Variants in STK32B observed in about 807,000 individuals in gnomAD.
STK32B encodes serine/threonine-protein kinase 32B.
In STK32B, 43 loss-of-function variants were observed where a neutral mutation model predicts 52.6. The observed-to-expected ratio is 0.82, with a 90% CI of 0.64 to 1.05. The LOEUF (loss-of-function observed/expected upper bound fraction) is 1.05. Ranked by LOEUF, STK32B falls within the 50% of genes least tolerant of loss-of-function variation. The pLI, the probability that STK32B is intolerant of heterozygous loss-of-function variation, is 0.00. For missense variants in STK32B, 621 were observed against 534.6 expected, an observed-to-expected ratio of 1.16 and a Z score of -1.59; for synonymous variants, 238 against 204.3, an observed-to-expected ratio of 1.17 and a Z score of -1.41.
At chr4:5,208,296 C>T (rs529971247) in intron 3 of STK32B, among the ~76,000 whole-genome samples, 1 of 152,232 alleles carries the variant, frequency 6.6e-6, no homozygotes, top group Admixed American at 6.5e-5. Context: ...AAATTTCTAC[C>T]CCTTGCCTAG....
Position 5,331,200 on chromosome 4 carries a change from C to G in STK32B, c.261-20C>G. 1 of 1,597,744 alleles carries G rather than the reference C, an allele frequency of 6.3e-7. No homozygotes were observed. Among genetic ancestry groups the G allele is most frequent in the Non-Finnish European group, 8.5e-7 (1 of 1,171,298 alleles). On this transcript the variant is annotated intron_variant, in intron 3 of 11. Coordinates refer to ENST00000282908, the MANE Select transcript of STK32B (RefSeq NM_018401.3). ...AAGGTGCCTCCACCCCTAATCTTCT[C>G]TGTCCTTCTGTGCTCCTAGGTACTC...
intron 1 of STK32B, among the ~76,000 whole-genome samples, chr4:5,096,407 G>A (rs538879025): frequency 2.0e-5 from 3 of 152,278 alleles, no homozygotes; most frequent in African/African-American, 4.8e-5. Flanking sequence ...CATCCCCACC[G>A]TTGGGAGTGG....
At chr4:5,281,614 GAAATATAATAAGC>G (rs1728204263) in intron 3 of STK32B, among the ~76,000 whole-genome samples, 1 of 152,008 alleles carries the variant, frequency 6.6e-6, no homozygotes, top group Non-Finnish European at 1.5e-5. Flanking sequence ...TAAAAAAGAA[GAAATATAATAAGC>G]AAATAAAAAA....
intron 3 of STK32B, among the ~76,000 whole-genome samples, chr4:5,261,283 G>C (rs996173223): frequency 1.3e-5 from 2 of 152,274 alleles, no homozygotes; most frequent in African/African-American, 4.8e-5. Context: ...AAAATTCTAT[G>C]AACATGGAAA....
At chr4:5,171,180 T>A (rs867849450) in intron 3 of STK32B, among the ~76,000 whole-genome samples, 1 of 151,444 alleles carries the variant, frequency 6.6e-6, no homozygotes. Flanking sequence ...TAAATTTGTT[T>A]GAGTTCATTG....
intron 3 of STK32B, among the ~76,000 whole-genome samples, chr4:5,312,017 T>C (rs1267412651): frequency 1.3e-5 from 2 of 151,514 alleles, no homozygotes; most frequent in African/African-American, 4.8e-5. Flanking sequence ...AATGCCTCCA[T>C]CCTTCTTCAT....
At chr4:5,355,093 T>A (rs1418170909) in intron 4 of STK32B, among the ~76,000 whole-genome samples, 2 of 152,206 alleles carry the variant, frequency 1.3e-5, no homozygotes, top group East Asian at 1.9e-4. Context: ...AGATACATTT[T>A]GTTGTTTCTA....
At chr4:5,263,674 A>G (rs1173560780) in intron 3 of STK32B, among the ~76,000 whole-genome samples, 1 of 152,208 alleles carries the variant, frequency 6.6e-6, no homozygotes, top group African/African-American at 2.4e-5. Context: ...ATACGCAGAC[A>G]TCTTAGTGTC....
At chr4:5,187,431 G>A (rs977873446) in intron 3 of STK32B, among the ~76,000 whole-genome samples, 11 of 152,132 alleles carry the variant, frequency 7.2e-5, no homozygotes, top group East Asian at 3.8e-4. Flanking sequence ...CAGAACCATC[G>A]TGCAAGGTGG....
At chr4:5,419,546 G>T (rs531665089) in intron 6 of STK32B, among the ~76,000 whole-genome samples, 1 of 152,130 alleles carries the variant, frequency 6.6e-6, no homozygotes, top group East Asian at 1.9e-4. Context: ...TCTCAAAGTC[G>T]TTGTCTGTGT....
chr4:5,205,151 C>T (rs1722467863), intron 3 of STK32B, among the ~76,000 whole-genome samples: 1 of 152,156 alleles, frequency 6.6e-6, no homozygotes, highest in Admixed American at 6.6e-5. Context: ...AGCTCCAGGT[C>T]CTCAGACCTT....
At chr4:5,497,445 C>T (rs1055114336) in intron 11 of STK32B, among the ~76,000 whole-genome samples, 3 of 152,362 alleles carry the variant, frequency 2.0e-5, no homozygotes, top group African/African-American at 7.2e-5. Context: ...CCTCCCAGCT[C>T]TGTCCTCTGG....
intron 7 of STK32B, among the ~76,000 whole-genome samples, chr4:5,455,006 A>G (rs748308080): frequency 5.9e-5 from 9 of 152,328 alleles, no homozygotes; most frequent in Admixed American, 1.3e-4. Flanking sequence ...TGCTCTGCCT[A>G]TTATACGGTG....
chr4:5,092,210 A>G (rs1462331105), intron 1 of STK32B, among the ~76,000 whole-genome samples: 3 of 152,332 alleles, frequency 2.0e-5, no homozygotes, highest in South Asian at 2.1e-4. Flanking sequence ...TTAAAATGGT[A>G]TACTAGTTTA....
At position 5,460,989 on chromosome 4, in the gene STK32B, C is replaced by T. The variant is rs1162257820; in HGVS notation, c.909+761C>T. ...TTTTAAAGGAGGGTTCTGGCAGGAG[C>T]TGGAGGCTCCTGGGTCCTCCAGGAC... On this transcript the variant is annotated intron_variant, in intron 9 of 11. Transcript: ENST00000282908. This position sits in a 1 kb window ranked among gnomAD's most constrained non-coding sequence, Gnocchi z 4.8. Among the ~76,000 whole-genome samples, 2 of 152,192 alleles carry T rather than the reference C, an allele frequency of 1.3e-5. No individual in the cohort carries two copies. The highest frequency in any genetic ancestry group is 6.5e-5 in the Admixed American group (1 of 15,294).
At chr4:5,247,793 T>C (rs534687007) in intron 3 of STK32B, among the ~76,000 whole-genome samples, 18 of 152,334 alleles carry the variant, frequency 1.2e-4, no homozygotes, top group African/African-American at 4.3e-4. Context: ...TCATTTTCTT[T>C]TGTGTCTTCT....
At chr4:5,450,578 C>T (rs953671953) in intron 7 of STK32B, among the ~76,000 whole-genome samples, 6 of 152,240 alleles carry the variant, frequency 3.9e-5, no homozygotes, top group Non-Finnish European at 8.8e-5. Flanking sequence ...TTAGAGGAAT[C>T]TCACAGGTTC....
At position 5,460,939 on chromosome 4, in the gene STK32B, G is replaced by T. The variant is rs762413135; in HGVS notation, c.909+711G>T. Among the ~76,000 whole-genome samples the T allele has an allele frequency of 1.1e-4, 17 of 152,224 alleles. No individual in the cohort carries two copies. The highest frequency in any genetic ancestry group is 2.2e-4 in the Non-Finnish European group (15 of 68,048). On this transcript the variant is annotated intron_variant, in intron 9 of 11. Coordinates refer to ENST00000282908, the MANE Select transcript of STK32B (RefSeq NM_018401.3). The surrounding 1 kb of genome is among the most constrained non-coding windows in gnomAD (Gnocchi z 4.8). ...CCCAGAAACTGGAGTGTTTAAGGCA[G>T]GGAAGTGAAAGCATTGGATTTACAT... is the stretch of plus-strand genomic sequence containing the variant.
intron 6 of STK32B, among the ~76,000 whole-genome samples, chr4:5,442,859 G>T (rs1267690674): frequency 7.3e-5 from 11 of 151,612 alleles, no homozygotes; most frequent in Non-Finnish European, 1.3e-4. Context: ...CTCCTTCACT[G>T]ATGAAGCTTA....
Sources: allele counts gnomAD v4.1 joint callset (sites outside exome capture counted in the v4.1 genomes callset), GRCh38; gene constraint gnomAD v4.1.1; non-coding constraint Gnocchi (gnomAD v3.1); transcripts MANE v1.5; gene names NCBI Gene and HGNC (gene_info 2026-07-23, HGNC 2026-07-21).